KHDRBS2: variants seen among roughly 807,000 people sequenced by gnomAD.
KHDRBS2 encodes KH RNA binding domain containing, signal transduction associated 2.
In KHDRBS2, 26 loss-of-function variants were observed where a neutral mutation model predicts 44.3. The observed-to-expected ratio is 0.59, with a 90% CI of 0.43 to 0.81. KHDRBS2 has a LOEUF of 0.81. Among genes scored for constraint, KHDRBS2 ranks in the 40% least tolerant of loss-of-function variants. The probability of loss-of-function intolerance (pLI) is 0.00; values close to 1 mark genes in which losing one functional copy is unlikely to be tolerated. For missense variants in KHDRBS2, 476 were observed against 433.1 expected (o/e 1.10, Z -0.88); for synonymous variants, 194 against 151.1 (o/e 1.28, Z -2.08).
chr6:62,107,525 A>G (rs1172945944), intron 2 of KHDRBS2, among the ~76,000 whole-genome samples: 2 of 152,210 alleles, frequency 1.3e-5, no homozygotes, highest in African/African-American at 4.8e-5. Flanking sequence ...TGCCCAAAGA[A>G]ATTTATAGAT....
intron 3 of KHDRBS2, among the ~76,000 whole-genome samples, chr6:62,005,676 C>G (rs928839721): frequency 4.0e-5 from 6 of 151,188 alleles, no homozygotes; most frequent in Admixed American, 4.0e-4. Flanking sequence ...AAACTGAAGT[C>G]TTTGGAACTT....
intron 2 of KHDRBS2, among the ~76,000 whole-genome samples, chr6:62,091,217 T>G (rs1379769137): frequency 6.6e-6 from 1 of 152,204 alleles, no homozygotes; most frequent in Non-Finnish European, 1.5e-5. Context: ...ATCTTAGGGC[T>G]AGAAAGAAGC....
intron 2 of KHDRBS2, among the ~76,000 whole-genome samples, chr6:62,104,279 A>G (rs919611878): frequency 2.0e-5 from 3 of 151,850 alleles, no homozygotes; most frequent in African/African-American, 7.3e-5. Flanking sequence ...CCATCTTTTT[A>G]TCATTAAATA....
At chr6:61,597,751 TATATATAC>T in the KHDRBS2 span, among the ~76,000 whole-genome samples, 1,148 of 52,944 alleles carry the variant, frequency 0.022, 68 homozygotes, top group Middle Eastern at 0.045. Context: ...TATATATATA[TATATATAC>T]ATATATATAT....
intron 2 of KHDRBS2, among the ~76,000 whole-genome samples, chr6:62,105,104 A>T (rs1380639060): frequency 6.6e-6 from 1 of 152,214 alleles, no homozygotes; most frequent in Non-Finnish European, 1.5e-5. Context: ...TCATTTGTAC[A>T]GTCCTATATC....
intron 3 of KHDRBS2, among the ~76,000 whole-genome samples, chr6:62,016,986 G>C (rs1419565773): frequency 3.3e-5 from 5 of 152,046 alleles, no homozygotes; most frequent in African/African-American, 1.2e-4. Flanking sequence ...CAAGTGAAAA[G>C]AAATGCCCTG....
chr6:61,840,852 T>A (rs1287050169), intron 6 of KHDRBS2, among the ~76,000 whole-genome samples: 1 of 152,200 alleles, frequency 6.6e-6, no homozygotes, highest in Non-Finnish European at 1.5e-5. Flanking sequence ...TAAGCTCTCA[T>A]GTTTCATTCC....
At chr6:62,136,997 T>C (rs1436691949) in intron 2 of KHDRBS2, among the ~76,000 whole-genome samples, 4 of 41,350 alleles carry the variant, frequency 9.7e-5, no homozygotes, top group South Asian at 1.7e-3. Context: ...TCTTTTCTTT[T>C]TTTTTTTTTT....
intron 2 of KHDRBS2, among the ~76,000 whole-genome samples, chr6:62,061,605 C>T (rs1246373657): frequency 4.0e-5 from 6 of 150,612 alleles, no homozygotes; most frequent in African/African-American, 1.5e-4. Context: ...CTGCCCTTAA[C>T]ATTTTTTCCT....
the KHDRBS2 span, among the ~76,000 whole-genome samples, chr6:61,651,277 T>G: frequency 6.6e-6 from 1 of 152,042 alleles, no homozygotes; most frequent in Non-Finnish European, 1.5e-5. Context: ...TTTTTTAGAT[T>G]TTGGAATATT....
At chr6:61,862,414 C>G (rs992150902) in intron 6 of KHDRBS2, among the ~76,000 whole-genome samples, 3 of 152,118 alleles carry the variant, frequency 2.0e-5, no homozygotes, top group Non-Finnish European at 4.4e-5. Flanking sequence ...AAGAGGAATG[C>G]TGCCAGCTTT....
At chr6:62,254,368 C>T (rs547735702) in intron 1 of KHDRBS2, among the ~76,000 whole-genome samples, 44 of 151,958 alleles carry the variant, frequency 2.9e-4, no homozygotes, top group East Asian at 1.4e-3. Context: ...AGGAGACAGG[C>T]GATAAGATAT....
chr6:62,175,101 G>T (rs185815992), intron 2 of KHDRBS2, among the ~76,000 whole-genome samples: 2 of 151,564 alleles, frequency 1.3e-5, no homozygotes, highest in Non-Finnish European at 3.0e-5. Context: ...AAAATATTAT[G>T]ATTTATTGTT....
chr6:62,155,174 A>G (rs773777599), intron 2 of KHDRBS2, among the ~76,000 whole-genome samples: 61 of 151,982 alleles, frequency 4.0e-4, no homozygotes, highest in Non-Finnish European at 8.1e-4. Context: ...GGGTTTAGAG[A>G]AAAAAAATGG....
the KHDRBS2 span, among the ~76,000 whole-genome samples, chr6:61,662,821 C>G: frequency 4.0e-5 from 6 of 151,728 alleles, no homozygotes; most frequent in South Asian, 2.1e-4. Flanking sequence ...ACTAGTTCAA[C>G]CATTGTGGAA....
chr6:61,697,332 A>G, intron 7 of KHDRBS2, 79 bp from the exon 8 acceptor site: 2 of 855,622 alleles, frequency 2.3e-6, no homozygotes, highest in Non-Finnish European at 4.1e-6. Flanking sequence ...ATTTGAAGGC[A>G]AAATGTGTGC....
intron 7 of KHDRBS2, among the ~76,000 whole-genome samples, chr6:61,719,708 T>C (rs551301181): frequency 2.6e-5 from 4 of 152,132 alleles, no homozygotes; most frequent in Non-Finnish European, 5.9e-5. Flanking sequence ...CCTTATATCA[T>C]TGTCATCTTT....
chr6:61,728,660 T>G (rs73474514), intron 7 of KHDRBS2, among the ~76,000 whole-genome samples: 53 of 152,198 alleles, frequency 3.5e-4, no homozygotes, highest in African/African-American at 1.3e-3. Flanking sequence ...TGCTGGAGAG[T>G]TAAACTTAAA....
At chr6:61,985,862 T>C (rs1774963515) in intron 3 of KHDRBS2, among the ~76,000 whole-genome samples, 1 of 152,140 alleles carries the variant, frequency 6.6e-6, no homozygotes, top group Non-Finnish European at 1.5e-5. Context: ...CTATGATACA[T>C]GACCAGCAAA....
Sources: gnomAD v4.1 joint callset for allele counts (sites outside exome capture counted in the v4.1 genomes callset) on GRCh38, gnomAD v4.1.1 for gene constraint, MANE v1.5 for transcripts, NCBI Gene and HGNC (gene_info 2026-07-23, HGNC 2026-07-21) for gene names.